The following CCT6A variants were observed in gnomAD, a reference collection of about 807,000 sequenced individuals.
The protein encoded by CCT6A is T-complex protein 1 subunit zeta.
CCT6A carries 6 observed loss-of-function variants against 58.6 expected under a neutral mutation model. The observed-to-expected ratio is 0.10, with a 90% confidence interval of 0.06 to 0.20. The LOEUF is 0.20. Among genes scored for constraint, CCT6A ranks in the 10% least tolerant of loss-of-function variants. The pLI is 1.00. For missense variants in CCT6A, 516 were observed against 648.8 expected (o/e 0.80, Z 2.22); for synonymous variants, 245 against 227.8 (o/e 1.08, Z -0.68).
intron 11 of CCT6A, among the ~76,000 whole-genome samples, chr7:56,061,373 GTTT>G (rs34651360): frequency 0.016 from 1,864 of 117,546 alleles, 29 homozygotes; most frequent in African/African-American, 0.046. Context: ...TATGCAATGA[GTTT>G]TTTTTTTTTT....
intron 1 of CCT6A, 44 bp from the exon 2 acceptor site, chr7:56,052,378 C>T (rs1413241897): frequency 1.9e-5 from 30 of 1,559,392 alleles, no homozygotes; most frequent in Non-Finnish European, 2.7e-5. Context: ...TTTTAGTTAT[C>T]GTTGAAAAAG....
chr7:56,052,994 G>A (rs561788698), intron 2 of CCT6A, among the ~76,000 whole-genome samples: 9 of 152,024 alleles, frequency 5.9e-5, no homozygotes, highest in Non-Finnish European at 1.0e-4. Flanking sequence ...GGATTTCACC[G>A]TGTTGGCCAG....
intron 1 of CCT6A, 98 bp downstream of exon 1, chr7:56,052,083 T>C: frequency 9.4e-7 from 1 of 1,064,512 alleles, no homozygotes; most frequent in Non-Finnish European, 1.2e-6. Flanking sequence ...GCCTCGGGGC[T>C]GCGCAGCCGT....
chr7:56,061,135 A>T lies in CCT6A; in HGVS notation c.1347+195A>T, dbSNP rs757620817. On this transcript the variant is annotated intron_variant, in intron 11 of 13. Coordinates refer to ENST00000275603, the MANE Select transcript of CCT6A (RefSeq NM_001762.4). Reference sequence around the variant, plus strand: ...GAAGCCTGAATAGCTGACATTGCAGATGGCAAGAGATAACCTGTAGTTTAA... The same window carrying T: ...GAAGCCTGAATAGCTGACATTGCAGTTGGCAAGAGATAACCTGTAGTTTAA... 2.6e-5 allele frequency among the ~76,000 whole-genome samples: 4 copies of T among 152,338 alleles called. No individual in the cohort carries two copies. The South Asian group carries it at 8.3e-4, about 32-fold the overall frequency.
In CCT6A at chr7:56,058,642, A is replaced by G. The variant is rs1333650815; in HGVS notation, c.908A>G (p.Asp303Gly). Residue 303 changes from aspartate to glycine, a missense_variant, in exon 8 of 14, where the codon GAT becomes GGT. Asp to Gly is a moderately conservative substitution (Grantham distance 94, BLOSUM62 -1). This residue lies in a region of CCT6A where 315 missense variants were observed against 389.4 expected (regional missense o/e 0.81). Transcript: ENST00000275603. ...CAGGGAATTGACCCCTTTTCCTTAG[A>G]TGCTCTTTCAAAAGAAGGCATAGTT... ...NQKGIDPFSLDALSKEGIVAL... is the reference protein window; with the variant it reads ...NQKGIDPFSLGALSKEGIVAL... 2.5e-6 allele frequency: 4 copies of G among 1,606,618 alleles called. No homozygotes were observed. Among genetic ancestry groups the G allele is most frequent in the Non-Finnish European group, 3.4e-6 (4 of 1,173,686 alleles).
At chr7:56,060,683 G>A in intron 10 of CCT6A, 124 bp from the exon 11 acceptor site, 1 of 1,261,824 alleles carries the variant, frequency 7.9e-7, no homozygotes, top group South Asian at 1.2e-5. Flanking sequence ...TATTTGGTAT[G>A]TTAGTCACTT....
chr7:56,060,205 TC>T (rs1323034334), intron 9 of CCT6A, 63 bp from the exon 10 acceptor site: 4 of 1,397,954 alleles, frequency 2.9e-6, no homozygotes, highest in Non-Finnish European at 4.0e-6. Flanking sequence ...TCTCTGTAAG[TC>T]CCTCTTCTCT....
intron 9 of CCT6A, 97 bp from the exon 10 acceptor site, chr7:56,060,172 C>G: frequency 9.7e-7 from 1 of 1,029,816 alleles, no homozygotes; most frequent in Non-Finnish European, 1.5e-6. Context: ...AAGTTTGTTC[C>G]TTATTAATAT....
At chr7:56,057,102 T>C (rs937211877) in intron 5 of CCT6A, among the ~76,000 whole-genome samples, 11 of 152,078 alleles carry the variant, frequency 7.2e-5, no homozygotes, top group African/African-American at 2.4e-4. Flanking sequence ...AAAATATCTT[T>C]GGATATAAAA....
chr7:56,061,887 G>A (rs753666273), intron 12 of CCT6A, 38 bp downstream of exon 12: 1 of 1,141,146 alleles, frequency 8.8e-7, no homozygotes, highest in African/African-American at 1.6e-5. Context: ...AAAACTAGAT[G>A]TAATACGTGT....
At chr7:56,060,120 T>TAA in intron 9 of CCT6A, 149 bp from the exon 10 acceptor site, 1 of 636,112 alleles carries the variant, frequency 1.6e-6, no homozygotes, top group East Asian at 2.7e-5. Context: ...ACATTTCTTT[T>TAA]ATGTGATTTT....
chr7:56,057,489 GT>G (rs1227447332), intron 5 of CCT6A, among the ~76,000 whole-genome samples: 1 of 151,994 alleles, frequency 6.6e-6, no homozygotes, highest in East Asian at 1.9e-4. Context: ...CAGGTGCTTG[GT>G]AGAAAACATG....
intron 5 of CCT6A, among the ~76,000 whole-genome samples, chr7:56,057,716 T>C (rs1794344091): frequency 6.6e-6 from 1 of 152,022 alleles, no homozygotes; most frequent in African/African-American, 2.4e-5. Flanking sequence ...CCGTCTCTAC[T>C]AAAAATACAA....
rs556980865 is a variant in CCT6A at position 56,063,873 on chromosome 7, T to C, written c.*788T>C. On this transcript the variant is annotated 3_prime_UTR_variant, in exon 14 of 14. Coordinates refer to ENST00000275603, the MANE Select transcript of CCT6A (RefSeq NM_001762.4). ...TTACGTTTCCACGAGATTATTTATA[T>C]ATAGTTGGTCTATCTCTGCAGTCCT... The C allele has an allele frequency of 4.4e-4, 89 of 202,006 alleles. No individual in the cohort carries two copies. Among genetic ancestry groups the C allele is most frequent in the African/African-American group, 1.9e-3 (83 of 42,994 alleles). 12.5% of individuals were successfully genotyped at this position (202,006 alleles called of 1,614,324 possible). A position where few individuals can be genotyped will look rare whatever the true frequency, so the allele number is the denominator to read the frequency against.
chr7:56,059,015 A>T (rs1794373919), intron 8 of CCT6A: 2 of 183,048 alleles, frequency 1.1e-5, no homozygotes, highest in Non-Finnish European at 2.3e-5. Flanking sequence ...TTTTTTTAAA[A>T]ATTTTTTATT....
At chr7:56,060,234 C>A in intron 9 of CCT6A, 35 bp from the exon 10 acceptor site, 1 of 1,592,700 alleles carries the variant, frequency 6.3e-7, no homozygotes, top group Non-Finnish European at 8.6e-7. Context: ...CTGCACAAAT[C>A]CTGTTTTTGA....
At position 56,062,918 on chromosome 7, in the gene CCT6A, TG is replaced by T. The variant is rs2117354607; in HGVS notation, c.1524-93del. On this transcript the variant is annotated intron_variant, in intron 13 of 13. Coordinates refer to ENST00000275603, the MANE Select transcript of CCT6A (RefSeq NM_001762.4). ...GTAGAGGGGAAGGGGGAAATTTAAT[TG>T]GATGTAATGTGTGCAGCTTGGTTGG... The T allele has an allele frequency of 2.6e-6, 3 of 1,154,922 alleles. No individual in the cohort carries two copies. In the South Asian group the frequency reaches 3.7e-5, roughly 14 times the overall value. 71.5% of individuals were successfully genotyped at this position (1,154,922 alleles called of 1,614,324 possible). A position where few individuals can be genotyped will look rare whatever the true frequency, so the allele number is the denominator to read the frequency against.
At chr7:56,054,857 C>G (rs1341505169) in intron 3 of CCT6A, among the ~76,000 whole-genome samples, 1 of 152,200 alleles carries the variant, frequency 6.6e-6, no homozygotes, top group East Asian at 1.9e-4. Flanking sequence ...TTAGCCCTGA[C>G]TAGTTCCAAG....
At chr7:56,061,500 C>T (rs1485562151) in intron 11 of CCT6A, among the ~76,000 whole-genome samples, 1 of 150,340 alleles carries the variant, frequency 6.7e-6, no homozygotes, top group Non-Finnish European at 1.5e-5. Context: ...CCTGCCACCA[C>T]ACCCGGCCAG....
Sources: gnomAD v4.1 joint callset for allele counts (sites outside exome capture counted in the v4.1 genomes callset) on GRCh38, gnomAD v4.1.1 for gene constraint, gnomAD v4.1.1 regional missense constraint, MANE v1.5 for transcripts, NCBI Gene and HGNC (gene_info 2026-07-23, HGNC 2026-07-21) for gene names.